The following CAST variants were observed in gnomAD, a reference collection of about 807,000 sequenced individuals.
The protein encoded by CAST is calpastatin.
CAST carries 76 observed loss-of-function variants against 119.6 expected under a neutral mutation model. That is an observed-to-expected ratio of 0.64 (90% confidence interval 0.53 to 0.77). CAST has a LOEUF of 0.77. CAST is among the 30% of genes least tolerant of loss of function. The pLI is 0.00. For synonymous variants in CAST, 319 were observed against 331.6 expected, an observed-to-expected ratio of 0.96 and a Z score of 0.41; for missense variants, 953 against 946.5, an observed-to-expected ratio of 1.01 and a Z score of -0.09.
At chr5:96,622,450 A>C (rs1208415378) in intron 1 of CAST, among the ~76,000 whole-genome samples, 1 of 152,226 alleles carries the variant, frequency 6.6e-6, no homozygotes, top group Non-Finnish European at 1.5e-5. Context: ...GGAGAAAGAG[A>C]GAATGCATGT....
intron 1 of CAST, among the ~76,000 whole-genome samples, chr5:96,597,965 C>T (rs987516523): frequency 1.3e-5 from 2 of 151,924 alleles, no homozygotes; most frequent in African/African-American, 4.8e-5. Flanking sequence ...GCCAGCAGTA[C>T]TAGGGGGCTG....
At chr5:96,105,720 A>G in the CAST span, among the ~76,000 whole-genome samples, 1 of 152,174 alleles carries the variant, frequency 6.6e-6, no homozygotes, top group East Asian at 1.9e-4. Flanking sequence ...TCTCTGCCCG[A>G]CTTTGGTATC....
At chr5:96,735,555 T>C (rs1761455726) in intron 9 of CAST, among the ~76,000 whole-genome samples, 1 of 152,138 alleles carries the variant, frequency 6.6e-6, no homozygotes, top group Non-Finnish European at 1.5e-5. Flanking sequence ...ACAAAGGGCA[T>C]AGATGCCACA....
chr5:96,688,971 G>T (rs1440064883), intron 2 of CAST, among the ~76,000 whole-genome samples: 1 of 151,830 alleles, frequency 6.6e-6, no homozygotes, highest in East Asian at 1.9e-4. Flanking sequence ...GCTGCTGTGT[G>T]TGTGTATATG....
the CAST span, among the ~76,000 whole-genome samples, chr5:96,379,020 C>T: frequency 2.6e-5 from 4 of 152,062 alleles, no homozygotes; most frequent in Non-Finnish European, 4.4e-5. Context: ...ACAGATGTGC[C>T]ATAATTGATT....
intron 1 of CAST, among the ~76,000 whole-genome samples, chr5:96,552,706 A>G (rs1746157391): frequency 6.6e-6 from 1 of 152,206 alleles, no homozygotes; most frequent in Non-Finnish European, 1.5e-5. Context: ...AAATAGACTC[A>G]TTAAAAAATG....
the CAST span, among the ~76,000 whole-genome samples, chr5:96,061,187 T>A: frequency 6.6e-6 from 1 of 151,940 alleles, no homozygotes; most frequent in Non-Finnish European, 1.5e-5. Flanking sequence ...TAAAAAAGAA[T>A]CACAATGCAG....
At chr5:96,363,375 G>A in the CAST span, among the ~76,000 whole-genome samples, 2 of 150,226 alleles carry the variant, frequency 1.3e-5, no homozygotes, top group Non-Finnish European at 3.0e-5. Context: ...TGTGAAGAAA[G>A]TCATTGGTAG....
chr5:96,419,176 A>G, the CAST span, among the ~76,000 whole-genome samples: 2 of 151,816 alleles, frequency 1.3e-5, no homozygotes, highest in Non-Finnish European at 2.9e-5. Flanking sequence ...TAGTATTTAA[A>G]TATCTTGTGG....
intron 3 of CAST, among the ~76,000 whole-genome samples, chr5:96,701,217 C>G (rs1000864563): frequency 6.6e-6 from 1 of 152,020 alleles, no homozygotes; most frequent in Admixed American, 6.6e-5. Context: ...CATGAGCCAC[C>G]ATGCCTGGCC....
intron 1 of CAST, among the ~76,000 whole-genome samples, chr5:96,567,666 G>A (rs1746494061): frequency 6.6e-6 from 1 of 152,078 alleles, no homozygotes. Flanking sequence ...TTGAGATCAG[G>A]CTTCCCGTTC....
At chr5:96,373,567 T>C in the CAST span, among the ~76,000 whole-genome samples, 1 of 152,178 alleles carries the variant, frequency 6.6e-6, no homozygotes, top group East Asian at 1.9e-4. Flanking sequence ...CCTGGATGCA[T>C]TGCAGCCCTG....
At chr5:96,133,489 A>G in the CAST span, among the ~76,000 whole-genome samples, 1 of 152,178 alleles carries the variant, frequency 6.6e-6, no homozygotes, top group African/African-American at 2.4e-5. Flanking sequence ...TTTCTGTAAC[A>G]TTCTTTACGA....
the CAST span, among the ~76,000 whole-genome samples, chr5:96,230,459 C>T: frequency 1.3e-5 from 2 of 152,130 alleles, no homozygotes; most frequent in Admixed American, 1.3e-4. Context: ...GAAACTTCCC[C>T]CTTGATAGCT....
intron 3 of CAST, among the ~76,000 whole-genome samples, chr5:96,717,653 G>A (rs1224879165): frequency 6.6e-6 from 1 of 152,180 alleles, no homozygotes; most frequent in Non-Finnish European, 1.5e-5. Context: ...ATTCCACCAT[G>A]GTCTTGAGAC....
the CAST span, among the ~76,000 whole-genome samples, chr5:96,455,104 T>A: frequency 2.0e-5 from 3 of 152,124 alleles, no homozygotes; most frequent in Admixed American, 1.3e-4. Flanking sequence ...ACATATTAAA[T>A]AACACAAGGA....
chr5:96,412,752 G>GATTTTTTT, the CAST span, among the ~76,000 whole-genome samples: 1 of 71,832 alleles, frequency 1.4e-5, no homozygotes, highest in Admixed American at 1.7e-4. Flanking sequence ...CAGCTGTGAT[G>GATTTTTTT]TTTTTTTTTT....
chr5:95,963,691 T>G, the CAST span, among the ~76,000 whole-genome samples: 1 of 151,852 alleles, frequency 6.6e-6, no homozygotes, highest in South Asian at 2.1e-4. Context: ...AATCTAAAAA[T>G]AATTCTGTAC....
intron 1 of CAST, among the ~76,000 whole-genome samples, chr5:96,564,901 C>T (rs911658569): frequency 7.2e-5 from 11 of 151,978 alleles, no homozygotes; most frequent in African/African-American, 2.4e-4. Context: ...TGAGTGAGAC[C>T]CTGTCTCAAA....
Sources: gnomAD v4.1 joint callset for allele counts (sites outside exome capture counted in the v4.1 genomes callset) on GRCh38, gnomAD v4.1.1 for gene constraint, MANE v1.5 for transcripts, NCBI Gene and HGNC (gene_info 2026-07-23, HGNC 2026-07-21) for gene names.